Variants in TP53BP1 observed in about 807,000 individuals in gnomAD.
TP53BP1 encodes the protein tumor protein p53 binding protein 1.
TP53BP1 carries 61 observed loss-of-function variants against 200.8 expected under a neutral mutation model. That is an observed-to-expected ratio of 0.30 (90% CI 0.25 to 0.38). TP53BP1 has a LOEUF of 0.38. Among genes scored for constraint, TP53BP1 ranks in the 10% least tolerant of loss-of-function variants. The pLI, the probability that TP53BP1 is intolerant of heterozygous loss-of-function variation, is 1.00. For synonymous variants in TP53BP1, 822 were observed against 844.3 expected (o/e 0.97, Z 0.46); for missense variants, 2,144 against 2,371.9 (o/e 0.90, Z 2.00).
chr15:43,467,373 T>G lies in TP53BP1; in HGVS notation c.1389+2485A>C, dbSNP rs150262010. The stretch of plus-strand genomic sequence containing the variant: ...GCTACTGCGCCCGGCCTACTAAAGG[T>G]ATTCTTGAGAGACTTTTCAGGAGGC... On this transcript the variant is annotated intron_variant, in intron 11 of 27. Coordinates refer to ENST00000382044, the MANE Select transcript of TP53BP1 (RefSeq NM_001141980.3). Among the ~76,000 whole-genome samples the G allele has an allele frequency of 6.6e-4, 101 of 152,190 alleles. 1 individual carries two copies. Among genetic ancestry groups the G allele is most frequent in the Middle Eastern group, 3.4e-3 (1 of 294 alleles).
chr15:43,500,323 A>C (rs1467930596), intron 1 of TP53BP1, among the ~76,000 whole-genome samples: 1 of 152,192 alleles, frequency 6.6e-6, no homozygotes, highest in Non-Finnish European at 1.5e-5. Flanking sequence ...TTAACAGAAA[A>C]AATTTTAAAA....
In TP53BP1 at chr15:43,457,187, T is replaced by A. The variant is rs2046319362; in HGVS notation, c.1421A>T (p.Glu474Val). The A allele has an allele frequency of 3.7e-6, 6 of 1,611,710 alleles. No individual in the cohort carries two copies. The highest frequency in any genetic ancestry group is 4.2e-6 in the Non-Finnish European group (5 of 1,179,080). Residue 474 changes from glutamate (E) to valine (V), a missense_variant, in exon 12 of 28, where the codon GAA (glutamate) becomes GTA (valine). This residue lies in a region of TP53BP1 where 1,700 missense variants were observed against 1,710.3 expected (regional missense o/e 0.99). Coordinates refer to ENST00000382044, the MANE Select transcript of TP53BP1 (RefSeq NM_001141980.3). ...DIFIPSPSLE[E>V]QSNDGKKDGD... ...ATCTTTCTTCCCATCATTTGATTGT[T>A]CTTCCAGACTTGGGGAAGGAATAAA... is the stretch of plus-strand genomic sequence containing the variant.
intron 16 of TP53BP1, among the ~76,000 whole-genome samples, chr15:43,436,205 G>C (rs1248666607): frequency 6.6e-6 from 1 of 151,984 alleles, no homozygotes; most frequent in Non-Finnish European, 1.5e-5. Flanking sequence ...TGCCCAGGCT[G>C]GTCTCCAACT....
At chr15:43,474,796 T>A (rs1408531290) in intron 9 of TP53BP1, 29 bp from the exon 10 acceptor site, 2 of 1,487,618 alleles carry the variant, frequency 1.3e-6, no homozygotes, top group Non-Finnish European at 1.9e-6. Context: ...TCACAGGTTA[T>A]TTTACCATAG....
intron 15 of TP53BP1, among the ~76,000 whole-genome samples, chr15:43,439,344 G>A (rs565072372): frequency 1.3e-5 from 2 of 152,128 alleles, no homozygotes; most frequent in African/African-American, 2.4e-5. Context: ...TTAGAGACTA[G>A]CCTGGGCAAC....
chr15:43,463,022 A>C (rs1210565501), intron 11 of TP53BP1, among the ~76,000 whole-genome samples: 1 of 152,256 alleles, frequency 6.6e-6, no homozygotes, highest in African/African-American at 2.4e-5. Context: ...ATGCCACTGC[A>C]CTCCAGCCTG....
chr15:43,484,232 C>T (rs1295620265), intron 4 of TP53BP1, among the ~76,000 whole-genome samples: 1 of 152,162 alleles, frequency 6.6e-6, no homozygotes, highest in Non-Finnish European at 1.5e-5. Context: ...CAAAACAAAC[C>T]TGGAATAATT....
intron 17 of TP53BP1, 141 bp from the exon 18 acceptor site, chr15:43,428,309 A>G: frequency 1.4e-6 from 1 of 720,234 alleles, no homozygotes; most frequent in Non-Finnish European, 2.3e-6. Context: ...TGTTTTATCC[A>G]CCTATAGGTA....
intron 17 of TP53BP1, among the ~76,000 whole-genome samples, chr15:43,429,915 C>T (rs1347376306): frequency 1.3e-5 from 2 of 152,310 alleles, no homozygotes; most frequent in East Asian, 3.9e-4. Context: ...GGTTTCAGTG[C>T]TTTACATATT....
chr15:43,415,276 C>T (rs866339693), intron 23 of TP53BP1: 13 of 329,168 alleles, frequency 3.9e-5, no homozygotes, highest in Middle Eastern at 1.1e-3. Flanking sequence ...GGTGCAATTT[C>T]GGCTCACTGC....
intron 7 of TP53BP1, among the ~76,000 whole-genome samples, chr15:43,478,139 T>A (rs2140117358): frequency 6.6e-6 from 1 of 152,288 alleles, no homozygotes; most frequent in South Asian, 2.1e-4. Flanking sequence ...AACCATGACA[T>A]TCCATGGAAA....
At chr15:43,408,733 G>A in intron 26 of TP53BP1, 164 bp downstream of exon 26, 1 of 667,244 alleles carries the variant, frequency 1.5e-6, no homozygotes, top group South Asian at 2.0e-5. Context: ...TGTAACCTAG[G>A]GAAATAAACT....
Position 43,446,566 on chromosome 15 carries a change from G to T in TP53BP1, c.2861C>A (p.Thr954Asn), listed in dbSNP as rs2046046437. 9.3e-6 allele frequency: 15 copies of T among 1,613,960 alleles called. No individual in the cohort carries two copies. Among genetic ancestry groups the T allele is most frequent in the Non-Finnish European group, 1.2e-5 (14 of 1,180,014 alleles). ...PIGISNYPESTIATSDVMSES... is the reference protein window; with the variant it reads ...PIGISNYPESNIATSDVMSES... ...AGACATGACATCACTGGTTGCTATG[G>T]TGCTTTCTGGATAGTTGCTAATACC... The change falls in exon 14 of 28, where the codon ACC becomes AAC. Residue 954 changes from threonine (T) to asparagine (N), a missense_variant. Thr to Asn is a moderately conservative substitution (Grantham distance 65, BLOSUM62 0). Transcript: ENST00000382044.
chr15:43,458,049 TA>T (rs2046342998), intron 11 of TP53BP1, among the ~76,000 whole-genome samples: 1 of 151,790 alleles, frequency 6.6e-6, no homozygotes, highest in Admixed American at 6.6e-5. Context: ...CTAATAATAA[TA>T]AATAAAATCC....
In TP53BP1 at chr15:43,493,078, T is replaced by A; in HGVS notation, c.-35A>T. On this transcript the variant is annotated 5_prime_UTR_variant, in exon 1 of 28. Transcript: ENST00000382044. ...AGGTCCCTCGCGCTCGAGCTAGAGG[T>A]CTCTGCACGCTCCCCAAGTCCCTCC... The A allele has an allele frequency of 6.2e-7, 1 of 1,611,642 alleles. No individual in the cohort carries two copies. The highest frequency in any genetic ancestry group is 1.1e-5 in the South Asian group (1 of 90,790).
At chr15:43,438,492 C>T (rs533458042) in intron 15 of TP53BP1, 76 bp from the exon 16 acceptor site, 15 of 1,270,242 alleles carry the variant, frequency 1.2e-5, no homozygotes, top group Admixed American at 1.1e-4. Flanking sequence ...CTTTTATGCA[C>T]AGAGGAAATA....
rs148808767 is a variant in TP53BP1, at chr15:43,404,085, C to T, written c.*3298G>A. On this transcript the variant is annotated 3_prime_UTR_variant, in exon 28 of 28. Transcript: ENST00000382044. ...TCACATCCTCCCCCCTCCTTACTTC[C>T]TTGAACTAACCCCCATCTCACTGAG... The T allele has an allele frequency of 0.016, 8,500 of 522,162 alleles. 91 individuals carry two copies. The highest frequency in any genetic ancestry group is 0.023 in the Admixed American group (707 of 30,236). 32.3% of individuals were successfully genotyped at this position (522,162 alleles called of 1,614,324 possible).
chr15:43,478,816 A>C (rs1190344834), intron 7 of TP53BP1, among the ~76,000 whole-genome samples: 1 of 152,230 alleles, frequency 6.6e-6, no homozygotes, highest in Non-Finnish European at 1.5e-5. Context: ...GAGGCTAAGA[A>C]GACCTCCCAC....
At chr15:43,421,283 T>C in intron 19 of TP53BP1, 109 bp from the exon 20 acceptor site, 1 of 1,192,896 alleles carries the variant, frequency 8.4e-7, no homozygotes. Flanking sequence ...GTGCTGAGCC[T>C]TTGGGGCAGC....
Sources: gnomAD v4.1 joint callset for allele counts (sites outside exome capture counted in the v4.1 genomes callset) on GRCh38, gnomAD v4.1.1 for gene constraint, gnomAD v4.1.1 regional missense constraint, MANE v1.5 for transcripts, NCBI Gene and HGNC (gene_info 2026-07-23, HGNC 2026-07-21) for gene names.